Variants in ACAN observed in about 807,000 individuals in gnomAD.
ACAN encodes the protein aggrecan core protein.
In ACAN, 47 loss-of-function variants were observed where a neutral mutation model predicts 169.1. The observed-to-expected ratio is 0.28, with a 90% CI of 0.22 to 0.35. ACAN has a LOEUF of 0.35. ACAN is among the 10% of genes least tolerant of loss of function. The pLI is 1.00. For missense variants in ACAN, 2,716 were observed against 2,759.9 expected (o/e 0.98, Z 0.36); for synonymous variants, 1,115 against 1,112.2 (o/e 1.00, Z -0.05).
Position 88,849,668 on chromosome 15 carries a change from C to T in ACAN, c.1963C>T (p.Leu655Phe), listed in dbSNP as rs746773847. 1.3e-5 allele frequency: 21 copies of T among 1,613,796 alleles called. No homozygotes were observed. The highest frequency in any genetic ancestry group is 1.7e-5 in the Non-Finnish European group (20 of 1,179,868). ...CAAGCCAGGCGTGAGAACGGTCTACCTCTACCCTAACCAGACGGGCCTCCC... is the reference window on the plus strand; with the variant it reads ...CAAGCCAGGCGTGAGAACGGTCTACTTCTACCCTAACCAGACGGGCCTCCC... ...GDKPGVRTVY[L>F]YPNQTGLPDP... Residue 655 changes from leucine (L) to phenylalanine (F), a missense_variant, in exon 10 of 19, where the codon CTC becomes TTC. Physicochemically the swap from Leu to Phe is conservative, Grantham distance 22. Coordinates refer to ENST00000560601, the MANE Select transcript of ACAN (RefSeq NM_001369268.1). The surrounding 1 kb of genome is among the most constrained non-coding windows in gnomAD (Gnocchi z 5.1).
At chr15:88,841,670 T>C in intron 4 of ACAN, 70 bp from the exon 5 acceptor site, 1 of 1,590,698 alleles carries the variant, frequency 6.3e-7, no homozygotes, top group Non-Finnish European at 8.6e-7. Flanking sequence ...GGGAGGAGGA[T>C]TCAAAGGCAG....
chr15:88,832,009 G>A (rs1234397825), intron 1 of ACAN, among the ~76,000 whole-genome samples: 4 of 152,230 alleles, frequency 2.6e-5, no homozygotes, highest in Middle Eastern at 3.4e-3. Context: ...TTATAATGTG[G>A]CTGAGCCATT....
intron 1 of ACAN, among the ~76,000 whole-genome samples, chr15:88,822,099 G>T (rs929983862): frequency 1.3e-5 from 2 of 152,228 alleles, no homozygotes; most frequent in Non-Finnish European, 2.9e-5. Flanking sequence ...CTGCGGTGTG[G>T]TCATATAGAC....
intron 1 of ACAN, among the ~76,000 whole-genome samples, chr15:88,823,232 G>A (rs540149405): frequency 1.3e-5 from 2 of 152,338 alleles, no homozygotes; most frequent in Admixed American, 1.3e-4. Flanking sequence ...CCCTGCCCAG[G>A]AAAGGTACTT....
chr15:88,852,423 G>A (rs1248605455), intron 11 of ACAN, among the ~76,000 whole-genome samples: 1 of 152,148 alleles, frequency 6.6e-6, no homozygotes, highest in African/African-American at 2.4e-5. Context: ...AAAGAATCAG[G>A]GAGGGGGTTA....
chr15:88,836,519 G>A (rs936219579), intron 2 of ACAN, among the ~76,000 whole-genome samples: 7 of 152,196 alleles, frequency 4.6e-5, no homozygotes, highest in African/African-American at 7.2e-5. Flanking sequence ...CTCAAGCCCC[G>A]ACAGCTGGCA....
chr15:88,821,359 T>C (rs1896071656), intron 1 of ACAN, among the ~76,000 whole-genome samples: 1 of 152,016 alleles, frequency 6.6e-6, no homozygotes, highest in African/African-American at 2.4e-5. Context: ...CTCCCTAAGT[T>C]GTCGGGGATG....
rs1007200180 is a variant in ACAN, at chr15:88,814,608, C to T, written c.-8+10799C>T. Among the ~76,000 whole-genome samples the T allele has an allele frequency of 2.6e-5, 4 of 152,196 alleles. No homozygotes were observed. The highest frequency in any genetic ancestry group is 5.9e-5 in the Non-Finnish European group (4 of 68,026). Reference sequence around the variant, plus strand: ...ACAGGGCTCCCACAATGCATCACTCCAGAGGGCGCCATTCCATTGTGGTCC... The same window carrying T: ...ACAGGGCTCCCACAATGCATCACTCTAGAGGGCGCCATTCCATTGTGGTCC... On this transcript the variant is annotated intron_variant, in intron 1 of 18. Transcript: ENST00000560601. The surrounding 1 kb of genome is among the most constrained non-coding windows in gnomAD (Gnocchi z 4.0).
chr15:88,854,705 T>C (rs577144228), intron 11 of ACAN, 147 bp from the exon 12 acceptor site: 2 of 819,266 alleles, frequency 2.4e-6, no homozygotes, highest in African/African-American at 1.8e-5. Flanking sequence ...TTTACACAGT[T>C]CCATTAGAAA....
chr15:88,826,397 G>C (rs1477421570), intron 1 of ACAN, among the ~76,000 whole-genome samples: 1 of 124,610 alleles, frequency 8.0e-6, no homozygotes, highest in Non-Finnish European at 1.6e-5. Flanking sequence ...TTTTTTTGGA[G>C]CCCCTGGGAA....
Position 88,858,535 on chromosome 15 carries a change from C to A in ACAN, c.5950C>A (p.Leu1984Ile). The change falls in exon 12 of 19, where the codon CTA becomes ATA. Residue 1984 changes from leucine (L) to isoleucine (I), a missense_variant. Leu to Ile is a conservative substitution (Grantham distance 5). This residue lies in a region of ACAN where 1,389 missense variants were observed against 1,363.7 expected (regional missense o/e 1.02). Transcript: ENST00000560601. This position sits in a 1 kb window ranked among gnomAD's most constrained non-coding sequence, Gnocchi z 4.0. ...TGGGGAGCATTCTGGATTTCTGGAC[C>A]TAAGTGGGCTGCAGTCCGGGCTGAT... ...MSGEHSGFLD[L>I]SGLQSGLIEP... The A allele has an allele frequency of 6.2e-7, 1 of 1,613,894 alleles. No homozygotes were observed. The highest frequency in any genetic ancestry group is 8.5e-7 in the Non-Finnish European group (1 of 1,179,902).
At chr15:88,821,264 C>T (rs918635462) in intron 1 of ACAN, among the ~76,000 whole-genome samples, 6 of 152,144 alleles carry the variant, frequency 3.9e-5, no homozygotes, top group East Asian at 1.9e-4. Context: ...CTCAGCCTCC[C>T]GAGTAGCTGG....
rs953457684 is a variant in ACAN at position 88,807,376 on chromosome 15, C to T, written c.-8+3567C>T. Reference sequence around the variant, plus strand: ...ACGGCCTGGCCTCGTGGCCATGCTTCGTGTCCTGATGGTAGCCGCACTGCC... The same window carrying T: ...ACGGCCTGGCCTCGTGGCCATGCTTTGTGTCCTGATGGTAGCCGCACTGCC... On this transcript the variant is annotated intron_variant, in intron 1 of 18. Transcript: ENST00000560601. The surrounding 1 kb of genome is among the most constrained non-coding windows in gnomAD (Gnocchi z 4.0). Among the ~76,000 whole-genome samples, 2 of 152,202 alleles carry T rather than the reference C, an allele frequency of 1.3e-5. No individual in the cohort carries two copies. Among genetic ancestry groups the T allele is most frequent in the East Asian group, 1.9e-4 (1 of 5,192 alleles).
At position 88,832,772 on chromosome 15, in the gene ACAN, C is replaced by T. The variant is rs534393609; in HGVS notation, c.-7-3428C>T. On this transcript the variant is annotated intron_variant, in intron 1 of 18. Transcript: ENST00000560601. ...CCAACCCTCATCCTGGGACAGGAAG[C>T]CTCTCTACAACCACTAAACTCTCTT... Among the ~76,000 whole-genome samples, 19 of 152,290 alleles carry T rather than the reference C, an allele frequency of 1.2e-4. No homozygotes were observed. The East Asian group carries it at 2.5e-3, about 20-fold the overall frequency.
At position 88,849,565 on chromosome 15, in the gene ACAN, C is replaced by T. The variant is rs932403663; in HGVS notation, c.1860C>T (p.Asp620=). The change falls in exon 10 of 19, where the codon GAC becomes GAT. Residue 620 remains aspartate (D), a synonymous_variant. Coordinates refer to ENST00000560601, the MANE Select transcript of ACAN (RefSeq NM_001369268.1). The surrounding 1 kb of genome is among the most constrained non-coding windows in gnomAD (Gnocchi z 5.1). The part of the protein sequence containing the change: ...QLYAAWSRGL[D]KCYAGWLADG... ...ACGCCGCCTGGAGCCGCGGCCTGGA[C>T]AAGTGCTATGCCGGCTGGCTGGCCG... 5 of 1,607,696 alleles carry T rather than the reference C, an allele frequency of 3.1e-6. No individual in the cohort carries two copies. The highest frequency in any genetic ancestry group is 4.2e-6 in the Non-Finnish European group (5 of 1,177,442).
Position 88,845,811 on chromosome 15 carries a change from C to T in ACAN, c.1358C>T (p.Ala453Val). The T allele has an allele frequency of 6.4e-7, 1 of 1,550,846 alleles. No homozygotes were observed. ...TTTCCCACACCTGGCCTGGGCCCTG[C>T]CACGGCATTCACCAGTGAGGACCTC... ...WGFPTPGLGP[A>V]TAFTSEDLVV... Residue 453 changes from alanine (A) to valine (V), a missense_variant, in exon 7 of 19, where the codon GCC becomes GTC. By Grantham distance (64) the Ala-to-Val change is moderately conservative. Coordinates refer to ENST00000560601, the MANE Select transcript of ACAN (RefSeq NM_001369268.1).
Position 88,854,857 on chromosome 15 carries a change from C to G in ACAN, c.2272C>G (p.Leu758Val). The G allele has an allele frequency of 6.7e-7, 1 of 1,483,386 alleles. No homozygotes were observed. The highest frequency in any genetic ancestry group is 8.9e-7 in the Non-Finnish European group (1 of 1,117,714). The allele number at this position is 1,483,386 out of a possible 1,614,324, so 91.9% of individuals were successfully genotyped here. The change falls in exon 12 of 19, where the codon CTT (leucine) becomes GTT (valine). Residue 758 changes from leucine (L) to valine (V), a missense_variant. Coordinates refer to ENST00000560601, the MANE Select transcript of ACAN (RefSeq NM_001369268.1). ...TTCTTCCTTCTTTCCTACAGGGATC[C>G]TTCCTACTTGGCCTCCCACTGGCGC... is the stretch of plus-strand genomic sequence containing the variant. ...PVGTSPLPGI[L>V]PTWPPTGAAT...
Position 88,874,097 on chromosome 15 carries a change from C to T in ACAN, c.7630+73C>T. 6.4e-7 allele frequency: 1 copy of T among 1,553,658 alleles called. No homozygotes were observed. The highest frequency in any genetic ancestry group is 1.1e-5 in the South Asian group (1 of 87,962). On this transcript the variant is annotated intron_variant, in intron 18 of 18. Transcript: ENST00000560601. This position sits in a 1 kb window ranked among gnomAD's most constrained non-coding sequence, Gnocchi z 7.3. Reference sequence around the variant, plus strand: ...CAGCACAGCCTTCCCCCCGTCCCCTCTCCTGGGGACCCTACACCGTCCACA... The same window carrying T: ...CAGCACAGCCTTCCCCCCGTCCCCTTTCCTGGGGACCCTACACCGTCCACA...
Position 88,849,395 on chromosome 15 carries a change from G to C in ACAN, c.1733-43G>C, listed in dbSNP as rs758150411. 2.0e-6 allele frequency: 3 copies of C among 1,510,600 alleles called. No individual in the cohort carries two copies. Among genetic ancestry groups the C allele is most frequent in the Non-Finnish European group, 1.8e-6 (2 of 1,126,220 alleles). 93.6% of individuals were successfully genotyped at this position (1,510,600 alleles called of 1,614,324 possible). On this transcript the variant is annotated intron_variant, in intron 9 of 18. Coordinates refer to ENST00000560601, the MANE Select transcript of ACAN (RefSeq NM_001369268.1). The surrounding 1 kb of genome is among the most constrained non-coding windows in gnomAD (Gnocchi z 5.1). The stretch of plus-strand genomic sequence containing the variant: ...GGGTGGGCAGGGATGGACCTGGCCT[G>C]AGTGTGGGGGGGTCATATTCTACCC...
Sources: gnomAD v4.1 joint callset for allele counts (sites outside exome capture counted in the v4.1 genomes callset) on GRCh38, gnomAD v4.1.1 for gene constraint, gnomAD v4.1.1 regional missense constraint, Gnocchi (gnomAD v3.1) non-coding constraint, MANE v1.5 for transcripts, NCBI Gene and HGNC (gene_info 2026-07-23, HGNC 2026-07-21) for gene names.